GSK3B: variants seen among roughly 807,000 people sequenced by gnomAD.
GSK3B encodes glycogen synthase kinase 3 beta, also known as glycogen synthase kinase-3 beta.
A neutral mutation model predicts 56.4 loss-of-function variants in GSK3B; 15 were observed. The observed-to-expected ratio is 0.27, with a 90% CI of 0.18 to 0.41. The LOEUF (loss-of-function observed/expected upper bound fraction) is 0.41. GSK3B is among the 10% of genes least tolerant of loss of function. GSK3B has a pLI of 1.00. For missense variants in GSK3B, 300 were observed against 513.4 expected (o/e 0.58, Z 4.02); for synonymous variants, 181 against 188.9 (o/e 0.96, Z 0.34).
At position 120,005,318 on chromosome 3, in the gene GSK3B, G is replaced by A. The variant is rs150430815; in HGVS notation, c.89-3079C>T. ...ACGTTTGAATGGTGTACCTGAAAGT[G>A]ATGGGGAGAATGGAATCAAGTTAGA... On this transcript the variant is annotated intron_variant, in intron 1 of 10. Transcript: ENST00000264235. 6.6e-5 allele frequency among the ~76,000 whole-genome samples: 10 copies of A among 152,362 alleles called. No individual in the cohort carries two copies. In the East Asian group the frequency reaches 7.7e-4, roughly 12 times the overall value.
At chr3:119,860,313 TAGAA>T (rs1237780768) in intron 9 of GSK3B, among the ~76,000 whole-genome samples, 4 of 152,118 alleles carry the variant, frequency 2.6e-5, no homozygotes, top group Non-Finnish European at 5.9e-5. Context: ...CAGGAAGAAA[TAGAA>T]AGAAGGGGGT....
Position 120,031,457 on chromosome 3 carries a change from A to T in GSK3B, c.89-29218T>A, listed in dbSNP as rs150625839. Among the ~76,000 whole-genome samples the T allele has an allele frequency of 3.9e-4, 59 of 152,344 alleles. No homozygotes were observed. In the East Asian group the frequency reaches 0.011, roughly 29 times the overall value. ...AAAGGCCCGTGAAAGGCGACTGAGGATAAGAAATGAGGGTAAGAACTCATT... is the reference window on the plus strand; with the variant it reads ...AAAGGCCCGTGAAAGGCGACTGAGGTTAAGAAATGAGGGTAAGAACTCATT... On this transcript the variant is annotated intron_variant, in intron 1 of 10. Transcript: ENST00000264235.
chr3:119,825,004 G>A lies in GSK3B; in HGVS notation c.*1784C>T, dbSNP rs1227920779. 1 of 186,594 alleles carries A rather than the reference G, an allele frequency of 5.4e-6. No individual in the cohort carries two copies. The highest frequency in any genetic ancestry group is 1.1e-5 in the Non-Finnish European group (1 of 88,300). The allele number at this position is 186,594 out of a possible 1,614,324, so 11.6% of individuals were successfully genotyped here. A position where few individuals can be genotyped will look rare whatever the true frequency, so the allele number is the denominator to read the frequency against. On this transcript the variant is annotated 3_prime_UTR_variant, in exon 11 of 11. Coordinates refer to ENST00000264235, the MANE Select transcript of GSK3B (RefSeq NM_001146156.2). ...CCATAAAGTGACCTAAGGTGGCAAT[G>A]AGGAGGGTGAGGGCAAGTTACACAC...
At chr3:119,870,622 A>G (rs1165226828) in intron 8 of GSK3B, among the ~76,000 whole-genome samples, 1 of 152,186 alleles carries the variant, frequency 6.6e-6, no homozygotes, top group Non-Finnish European at 1.5e-5. Context: ...CAGTAGAAAT[A>G]AAAAAGTGAG....
intron 2 of GSK3B, among the ~76,000 whole-genome samples, chr3:119,979,150 G>T (rs576853569): frequency 3.3e-5 from 5 of 152,254 alleles, no homozygotes; most frequent in African/African-American, 1.2e-4. Flanking sequence ...CCCATGGTCC[G>T]AAAATGGCAT....
chr3:119,877,252 A>G (rs941444546), intron 7 of GSK3B, among the ~76,000 whole-genome samples: 1 of 152,198 alleles, frequency 6.6e-6, no homozygotes, highest in Non-Finnish European at 1.5e-5. Context: ...CAGTATAGCC[A>G]AAGATTATAC....
chr3:120,011,459 T>C (rs182174132), intron 1 of GSK3B, among the ~76,000 whole-genome samples: 133 of 152,286 alleles, frequency 8.7e-4, no homozygotes, highest in Non-Finnish European at 1.5e-3. Context: ...AATAAGACAA[T>C]TCTGCTAAAG....
intron 3 of GSK3B, among the ~76,000 whole-genome samples, chr3:119,940,233 A>T (rs1313326580): frequency 6.6e-6 from 1 of 151,892 alleles, no homozygotes; most frequent in South Asian, 2.1e-4. Context: ...TTTAGCGATA[A>T]GGAGAAAAAT....
Position 119,823,298 on chromosome 3 carries a change from AG to A in GSK3B, c.*3489del, listed in dbSNP as rs1476428121. The A allele has an allele frequency of 4.8e-6, 1 of 209,402 alleles. No individual in the cohort carries two copies. Among genetic ancestry groups the A allele is most frequent in the Non-Finnish European group, 9.7e-6 (1 of 103,016 alleles). The allele number at this position is 209,402 out of a possible 1,614,324, so 13.0% of individuals were successfully genotyped here. On this transcript the variant is annotated 3_prime_UTR_variant, in exon 11 of 11. Transcript: ENST00000264235. The stretch of plus-strand genomic sequence containing the variant: ...AATTAAAATGATATTTCATTGAGCA[AG>A]GGTAGAGATGGCGGGAGGGAGGAAA...
chr3:119,953,739 T>C (rs536756638), intron 2 of GSK3B, among the ~76,000 whole-genome samples: 3 of 152,262 alleles, frequency 2.0e-5, no homozygotes, highest in East Asian at 1.9e-4. Flanking sequence ...TTCTATTACA[T>C]TTACCATCAC....
In GSK3B at chr3:120,020,366, G is replaced by GT. The variant is rs1233983149; in HGVS notation, c.89-18128dup. On this transcript the variant is annotated intron_variant, in intron 1 of 10. Transcript: ENST00000264235. ...TTTTATTGCACTTTGCAGAAATTAT[G>GT]TTTTTTTACAAATTGAAGGTTTATA... Among the ~76,000 whole-genome samples the GT allele has an allele frequency of 5.9e-5, 9 of 152,212 alleles. No individual in the cohort carries two copies. In the South Asian group the frequency reaches 1.0e-3, roughly 18 times the overall value.
chr3:119,980,080 C>A (rs1404047651), intron 2 of GSK3B, among the ~76,000 whole-genome samples: 1 of 151,980 alleles, frequency 6.6e-6, no homozygotes, highest in Admixed American at 6.6e-5. Context: ...TAAAAGAGCT[C>A]TAATTAATTG....
chr3:119,885,856 A>G (rs2056430280), intron 7 of GSK3B, among the ~76,000 whole-genome samples: 1 of 152,218 alleles, frequency 6.6e-6, no homozygotes, highest in Admixed American at 6.5e-5. Context: ...ATGCTAAAGA[A>G]TGAAACTGGA....
chr3:119,898,594 G>GA (rs952933766), intron 7 of GSK3B, among the ~76,000 whole-genome samples: 2 of 151,976 alleles, frequency 1.3e-5, no homozygotes, highest in Non-Finnish European at 2.9e-5. Flanking sequence ...AGTTTTTCCC[G>GA]AAGGTACAAA....
At chr3:119,918,472 T>A (rs1295402369) in intron 4 of GSK3B, among the ~76,000 whole-genome samples, 2 of 150,976 alleles carry the variant, frequency 1.3e-5, no homozygotes, top group Admixed American at 6.6e-5. Context: ...TCTCTCTCTC[T>A]CAAAAAAACA....
chr3:119,960,028 C>T (rs1002681498), intron 2 of GSK3B, among the ~76,000 whole-genome samples: 5 of 151,856 alleles, frequency 3.3e-5, no homozygotes, highest in Admixed American at 6.6e-5. Context: ...CCAGATGTCA[C>T]TCACTGGGTG....
At chr3:119,858,213 T>C (rs560898651) in intron 9 of GSK3B, among the ~76,000 whole-genome samples, 1 of 152,280 alleles carries the variant, frequency 6.6e-6, no homozygotes, top group Admixed American at 6.5e-5. Flanking sequence ...AGTCAACCTA[T>C]CCTTTGAAGC....
intron 1 of GSK3B, among the ~76,000 whole-genome samples, chr3:120,057,617 C>A (rs1347761439): frequency 6.6e-6 from 1 of 152,030 alleles, no homozygotes; most frequent in South Asian, 2.1e-4. Context: ...ATTAAAAGTT[C>A]AAAATAAGCA....
chr3:120,030,682 C>G (rs1057312888), intron 1 of GSK3B, among the ~76,000 whole-genome samples: 8 of 152,270 alleles, frequency 5.3e-5, no homozygotes, highest in African/African-American at 1.9e-4. Context: ...TCCTTTATGT[C>G]TCAGCTTAAA....
Sources: gnomAD v4.1 joint callset for allele counts (sites outside exome capture counted in the v4.1 genomes callset) on GRCh38, gnomAD v4.1.1 for gene constraint, MANE v1.5 for transcripts, NCBI Gene and HGNC (gene_info 2026-07-23, HGNC 2026-07-21) for gene names.